The following SLC38A6 variants were observed in gnomAD, a reference collection of about 807,000 sequenced individuals.
The protein encoded by SLC38A6 is N system amino acid transporter NAT-1.
SLC38A6 carries 73 observed loss-of-function variants against 65.0 expected under a neutral mutation model. The ratio of observed to expected loss-of-function variants is 1.12; its 90% CI spans 0.93 to 1.37. The LOEUF is 1.37. Among genes scored for constraint, SLC38A6 ranks in the 40% most tolerant of loss-of-function variants. The pLI is 0.00. For synonymous variants in SLC38A6, 183 were observed against 178.8 expected (o/e 1.02, Z -0.19); for missense variants, 561 against 531.1 (o/e 1.06, Z -0.55).
At chr14:60,987,793 G>A (rs1211240237) in intron 3 of SLC38A6, among the ~76,000 whole-genome samples, 3 of 152,202 alleles carry the variant, frequency 2.0e-5, no homozygotes, top group South Asian at 2.1e-4. Context: ...GAGAGAGTGA[G>A]AGTCCTAGAA....
intron 5 of SLC38A6, among the ~76,000 whole-genome samples, chr14:61,020,515 T>C (rs2040290716): frequency 6.6e-6 from 1 of 152,184 alleles, no homozygotes; most frequent in South Asian, 2.1e-4. Context: ...ATAGGTTTTT[T>C]TGGTTAAGGA....
At chr14:61,021,887 CT>C (rs1384636932) in intron 5 of SLC38A6, among the ~76,000 whole-genome samples, 2 of 152,098 alleles carry the variant, frequency 1.3e-5, no homozygotes, top group Non-Finnish European at 2.9e-5. Context: ...GAATTGGAAG[CT>C]TGCTCTTGTG....
chr14:61,035,453 T>C (rs2041291247), intron 6 of SLC38A6, among the ~76,000 whole-genome samples: 1 of 152,176 alleles, frequency 6.6e-6, no homozygotes, highest in South Asian at 2.1e-4. Context: ...GTTGGGTATA[T>C]AGAGTTTTCC....
chr14:61,072,862 T>C (rs1018586152), intron 15 of SLC38A6, among the ~76,000 whole-genome samples: 1 of 152,180 alleles, frequency 6.6e-6, no homozygotes, highest in Non-Finnish European at 1.5e-5. Context: ...AGCTCTTCAG[T>C]ATACCTATTT....
intron 15 of SLC38A6, among the ~76,000 whole-genome samples, chr14:61,061,335 C>A (rs1001795020): frequency 7.9e-5 from 12 of 152,160 alleles, no homozygotes; most frequent in African/African-American, 2.9e-4. Context: ...ATTCAGTTTG[C>A]AAGTATTTTG....
At chr14:61,006,615 C>T (rs1429165802) in intron 3 of SLC38A6, among the ~76,000 whole-genome samples, 2 of 152,174 alleles carry the variant, frequency 1.3e-5, no homozygotes, top group Non-Finnish European at 2.9e-5. Context: ...CAAATCAAAA[C>T]CACAATGAGA....
At chr14:61,083,717 T>C (rs2043745649), downstream of SLC38A6, 2 of 1,547,138 alleles carry the variant, frequency 1.3e-6, no homozygotes, top group Admixed American at 2.0e-5. Flanking sequence ...AAATAAATGA[T>C]GTTGTTTAAT....
intron 3 of SLC38A6, among the ~76,000 whole-genome samples, chr14:60,995,761 T>C (rs758368500): frequency 6.6e-6 from 1 of 151,984 alleles, no homozygotes; most frequent in Non-Finnish European, 1.5e-5. Flanking sequence ...ATGTATATAA[T>C]AAAACAAAAA....
At chr14:61,061,187 T>TGA (rs2042827678) in intron 15 of SLC38A6, among the ~76,000 whole-genome samples, 1 of 152,196 alleles carries the variant, frequency 6.6e-6, no homozygotes, top group Admixed American at 6.5e-5. Flanking sequence ...CTGCACCTAT[T>TGA]GAGATGATCA....
At chr14:61,073,103 A>G (rs2043285088) in intron 15 of SLC38A6, among the ~76,000 whole-genome samples, 1 of 152,104 alleles carries the variant, frequency 6.6e-6, no homozygotes, top group African/African-American at 2.4e-5. Flanking sequence ...ATGATATGGC[A>G]ATTTTGATTT....
intron 12 of SLC38A6, chr14:61,048,105 T>C (rs1168498996): frequency 2.2e-6 from 1 of 450,760 alleles, no homozygotes; most frequent in Non-Finnish European, 4.4e-6. Flanking sequence ...GCTCTTGGAT[T>C]GTGAATCATA....
intron 5 of SLC38A6, among the ~76,000 whole-genome samples, chr14:61,028,511 A>G (rs767367860): frequency 6.6e-6 from 1 of 152,164 alleles, no homozygotes; most frequent in Non-Finnish European, 1.5e-5. Flanking sequence ...CCTTGAATGG[A>G]GAAGGTTAGT....
At chr14:60,999,717 G>A (rs540895083) in intron 3 of SLC38A6, among the ~76,000 whole-genome samples, 1 of 152,314 alleles carries the variant, frequency 6.6e-6, no homozygotes, top group South Asian at 2.1e-4. Flanking sequence ...GAATATCATA[G>A]AGGAGATGCA....
intron 16 of SLC38A6, among the ~76,000 whole-genome samples, chr14:61,082,805 G>T (rs532860480): frequency 1.2e-4 from 19 of 152,246 alleles, no homozygotes; most frequent in East Asian, 3.9e-4. Context: ...CTGCACTCCA[G>T]GACAGGGGCC....
intron 3 of SLC38A6, among the ~76,000 whole-genome samples, chr14:61,015,480 CT>C (rs1420037937): frequency 1.3e-5 from 2 of 151,712 alleles, no homozygotes; most frequent in African/African-American, 4.8e-5. Flanking sequence ...CCGGAAATAA[CT>C]TTTAATATGT....
chr14:60,991,165 T>G (rs1002202287), intron 3 of SLC38A6, among the ~76,000 whole-genome samples: 1 of 152,182 alleles, frequency 6.6e-6, no homozygotes, highest in African/African-American at 2.4e-5. Flanking sequence ...TAGCATTCCT[T>G]TGCTCAAAAT....
intron 6 of SLC38A6, 148 bp downstream of exon 6, chr14:61,030,671 G>GTTT: frequency 1.8e-6 from 1 of 567,316 alleles, no homozygotes; most frequent in Non-Finnish European, 3.1e-6. Context: ...AAGTGAAGCA[G>GTTT]TAATAGAATA....
At chr14:61,060,863 C>T (rs1450292243) in intron 15 of SLC38A6, among the ~76,000 whole-genome samples, 4 of 129,200 alleles carry the variant, frequency 3.1e-5, no homozygotes, top group Non-Finnish European at 1.6e-5. Flanking sequence ...GCGCAATATT[C>T]GGGTGGGAGT....
intron 3 of SLC38A6, among the ~76,000 whole-genome samples, chr14:61,011,524 A>T (rs942967944): frequency 5.9e-5 from 9 of 152,242 alleles, no homozygotes; most frequent in Non-Finnish European, 1.2e-4. Flanking sequence ...GGTTTGTCAT[A>T]GATAGCTCTT....
Sources: allele counts gnomAD v4.1 joint callset (sites outside exome capture counted in the v4.1 genomes callset), GRCh38; gene constraint gnomAD v4.1.1; transcripts MANE v1.5; gene names NCBI Gene and HGNC (gene_info 2026-07-23, HGNC 2026-07-21).